Variants in SEZ6L observed in about 807,000 individuals in gnomAD.
SEZ6L encodes seizure related 6 homolog like.
In SEZ6L, 37 loss-of-function variants were observed where a neutral mutation model predicts 106.2. The observed-to-expected ratio is 0.35, with a 90% CI of 0.27 to 0.46. SEZ6L has a LOEUF of 0.46. SEZ6L is among the 20% of genes least tolerant of loss of function. The pLI is 1.00. For synonymous variants in SEZ6L, 541 were observed against 570.4 expected, an observed-to-expected ratio of 0.95 and a Z score of 0.73; for missense variants, 1,172 against 1,332.8, an observed-to-expected ratio of 0.88 and a Z score of 1.88.
chr22:26,370,840 C>CA (rs1466887372), intron 13 of SEZ6L, among the ~76,000 whole-genome samples: 3 of 151,708 alleles, frequency 2.0e-5, no homozygotes, highest in Non-Finnish European at 2.9e-5. Context: ...CTCATTTCTA[C>CA]AAAAAATCAA....
At chr22:26,301,713 T>C (rs1395476245) in intron 5 of SEZ6L, among the ~76,000 whole-genome samples, 1 of 145,824 alleles carries the variant, frequency 6.9e-6, no homozygotes, top group Non-Finnish European at 1.5e-5. Flanking sequence ...GAGTAGGAAA[T>C]AGACTGAGGG....
In SEZ6L at chr22:26,343,223, C is replaced by T. The variant is rs575511491; in HGVS notation, c.2212+2591C>T. On this transcript the variant is annotated intron_variant, in intron 10 of 16. Transcript: ENST00000248933. ...CCTGGCTCCTGTCTCTCTCCTTAGA[C>T]GTCCTCTCCCTCTCCACTGAAAGAT... is the stretch of plus-strand genomic sequence containing the variant. Among the ~76,000 whole-genome samples the T allele has an allele frequency of 7.2e-5, 11 of 151,860 alleles. No homozygotes were observed. In the East Asian group the frequency reaches 1.7e-3, roughly 24 times the overall value.
intron 1 of SEZ6L, among the ~76,000 whole-genome samples, chr22:26,246,662 A>G (rs1489507776): frequency 1.3e-5 from 2 of 152,134 alleles, no homozygotes; most frequent in African/African-American, 2.4e-5. Context: ...ATCCCACAAC[A>G]TTTCTCCTGG....
At chr22:26,198,463 G>A (rs1285660073) in intron 1 of SEZ6L, among the ~76,000 whole-genome samples, 1 of 152,200 alleles carries the variant, frequency 6.6e-6, no homozygotes, top group Non-Finnish European at 1.5e-5. Context: ...AGACAATGGG[G>A]ACAACAAGCA....
chr22:26,374,094 A>G (rs2084134696), intron 14 of SEZ6L, among the ~76,000 whole-genome samples: 1 of 152,064 alleles, frequency 6.6e-6, no homozygotes, highest in Non-Finnish European at 1.5e-5. Context: ...CCGTGTGTAA[A>G]ATGTCCAGCG....
rs757558038 is a variant in SEZ6L, at chr22:26,293,001, G to A, written c.690G>A (p.Gln230=). ...EPGEPGPDMA[Q]EAPQEDTSPM... is the part of the protein sequence containing the mutation. ...GGGAGCCTGGGCCTGACATGGCCCA[G>A]GAGGCCCCCCAGGAGGACACCAGCC... Residue 230 remains glutamine (Q), a synonymous_variant, in exon 2 of 17, where the codon CAG becomes CAA. Transcript: ENST00000248933. The A allele has an allele frequency of 1.1e-5, 18 of 1,614,016 alleles. No individual in the cohort carries two copies. The highest frequency in any genetic ancestry group is 1.5e-5 in the Non-Finnish European group (18 of 1,180,010).
chr22:26,307,003 A>G (rs2081651566), intron 6 of SEZ6L, among the ~76,000 whole-genome samples: 1 of 152,208 alleles, frequency 6.6e-6, no homozygotes, highest in Non-Finnish European at 1.5e-5. Context: ...AGTAAGCACT[A>G]GGAGGCACAT....
At chr22:26,312,732 G>A (rs1466531857) in intron 8 of SEZ6L, among the ~76,000 whole-genome samples, 1 of 152,152 alleles carries the variant, frequency 6.6e-6, no homozygotes, top group Admixed American at 6.5e-5. Context: ...CACCACAGCC[G>A]GCTAATTTTG....
At chr22:26,229,796 C>A (rs1429328644) in intron 1 of SEZ6L, among the ~76,000 whole-genome samples, 2 of 152,210 alleles carry the variant, frequency 1.3e-5, no homozygotes, top group East Asian at 3.8e-4. Context: ...GGGACCACCA[C>A]TGAGCTAAGA....
rs535217737 is a variant in SEZ6L at position 26,209,739 on chromosome 22, G to A, written c.94+39976G>A. On this transcript the variant is annotated intron_variant, in intron 1 of 16. Coordinates refer to ENST00000248933, the MANE Select transcript of SEZ6L (RefSeq NM_021115.5). ...AGGAAGGGGAGGAAGGAAGGAGAGA[G>A]GGAGAGAGGAGAGAAGGAAGGAAGC... Among the ~76,000 whole-genome samples the A allele has an allele frequency of 3.5e-5, 5 of 144,064 alleles. No individual in the cohort carries two copies. In the East Asian group the frequency reaches 1.1e-3, roughly 31 times the overall value. The allele number at this position is 144,064 out of a possible 152,430, so 94.5% of individuals were successfully genotyped here. A position where few individuals can be genotyped will look rare whatever the true frequency, so the allele number is the denominator to read the frequency against.
chr22:26,340,773 AAGCCTGGGCTCTCT>A, intron 10 of SEZ6L, 141 bp downstream of exon 10: 1 of 709,396 alleles, frequency 1.4e-6, no homozygotes, highest in Non-Finnish European at 2.2e-6. Flanking sequence ...TCATTTTTAA[AAGCCTGGGCTCTCT>A]AGTCATGAGG....
intron 11 of SEZ6L, among the ~76,000 whole-genome samples, chr22:26,348,645 A>AG (rs2083121676): frequency 1.3e-4 from 2 of 14,962 alleles, no homozygotes; most frequent in African/African-American, 8.6e-4. Flanking sequence ...AGAAAGAAAG[A>AG]AAAAGAAAGA....
chr22:26,266,090 G>A (rs971376520), intron 1 of SEZ6L, among the ~76,000 whole-genome samples: 7 of 152,210 alleles, frequency 4.6e-5, no homozygotes, highest in South Asian at 2.1e-4. Context: ...GGTAGGACCA[G>A]CTCACAAGGA....
At chr22:26,375,434 A>G (rs2084187238) in intron 14 of SEZ6L, 141 bp from the exon 15 acceptor site, 5 of 666,604 alleles carry the variant, frequency 7.5e-6, no homozygotes. Context: ...GTCTTTGGAG[A>G]TGGCTCTGCA....
chr22:26,179,878 C>T (rs1939272883), intron 1 of SEZ6L, among the ~76,000 whole-genome samples: 1 of 152,150 alleles, frequency 6.6e-6, no homozygotes, highest in Non-Finnish European at 1.5e-5. Context: ...CATGTGCACT[C>T]TCTAATATGG....
intron 9 of SEZ6L, among the ~76,000 whole-genome samples, chr22:26,321,488 G>A (rs1208683674): frequency 2.6e-5 from 4 of 152,222 alleles, no homozygotes; most frequent in Admixed American, 2.6e-4. Context: ...GAAGGGAGCT[G>A]AGTCCTCTGG....
At chr22:26,380,240 C>A (rs368536623) in intron 16 of SEZ6L, 26 bp from the exon 17 acceptor site, 1 of 1,612,430 alleles carries the variant, frequency 6.2e-7, no homozygotes, top group Non-Finnish European at 8.5e-7. Context: ...AAGCGTTTGA[C>A]AAATCCGTGC....
intron 1 of SEZ6L, among the ~76,000 whole-genome samples, chr22:26,183,501 G>A (rs1939545336): frequency 6.6e-6 from 1 of 152,070 alleles, no homozygotes; most frequent in South Asian, 2.1e-4. Flanking sequence ...TTGAAACAAA[G>A]CAAGCTCGTT....
intron 9 of SEZ6L, among the ~76,000 whole-genome samples, chr22:26,324,103 A>AAACAC (rs1569463237): frequency 1.2e-5 from 1 of 83,304 alleles, no homozygotes; most frequent in Non-Finnish European, 2.4e-5. Context: ...CACACACACA[A>AAACAC]ACACACACAC....
Sources: allele counts gnomAD v4.1 joint callset (sites outside exome capture counted in the v4.1 genomes callset), GRCh38; gene constraint gnomAD v4.1.1; transcripts MANE v1.5; gene names NCBI Gene and HGNC (gene_info 2026-07-23, HGNC 2026-07-21).